The following SLC26A11 variants were observed in gnomAD, a reference collection of about 807,000 sequenced individuals.
SLC26A11 encodes sodium-independent sulfate anion transporter.
A neutral mutation model predicts 62.2 loss-of-function variants in SLC26A11; 58 were observed. The observed-to-expected ratio is 0.93, with a 90% confidence interval of 0.76 to 1.16. SLC26A11 has a LOEUF of 1.16. Among genes scored for constraint, SLC26A11 ranks in the 50% most tolerant of loss-of-function variants. The pLI is 0.00. For missense variants in SLC26A11, 790 were observed against 794.3 expected (o/e 0.99, Z 0.06); for synonymous variants, 411 against 368.9 (o/e 1.11, Z -1.31).
intron 11 of SLC26A11, among the ~76,000 whole-genome samples, chr17:80,245,534 T>C (rs768559934): frequency 1.3e-5 from 2 of 152,080 alleles, no homozygotes; most frequent in African/African-American, 4.8e-5. Flanking sequence ...GGAGAATCGC[T>C]TGAGCCCAGC....
intron 7 of SLC26A11, among the ~76,000 whole-genome samples, chr17:80,231,605 T>C (rs1165907656): frequency 6.6e-6 from 1 of 152,254 alleles, no homozygotes; most frequent in Non-Finnish European, 1.5e-5. Context: ...TATATGCTGT[T>C]CTTTAATTTT....
intron 10 of SLC26A11, among the ~76,000 whole-genome samples, chr17:80,243,225 G>T (rs2042910222): frequency 6.6e-6 from 1 of 152,132 alleles, no homozygotes; most frequent in African/African-American, 2.4e-5. Context: ...CGTTGCCCGG[G>T]CTTCTCTCTG....
intron 13 of SLC26A11, among the ~76,000 whole-genome samples, chr17:80,247,864 T>C (rs1259132620): frequency 2.6e-5 from 4 of 152,188 alleles, no homozygotes; most frequent in Non-Finnish European, 5.9e-5. Flanking sequence ...GACAAGCCCC[T>C]GCTGCTGCCC....
At chr17:80,233,481 C>T (rs1161869362) in intron 7 of SLC26A11, among the ~76,000 whole-genome samples, 2 of 151,944 alleles carry the variant, frequency 1.3e-5, no homozygotes, top group African/African-American at 2.4e-5. Context: ...GCTCTTAATT[C>T]CTTTGTACAA....
Position 80,222,057 on chromosome 17 carries a change from A to C in SLC26A11, c.234+263A>C. ...GGAGTTCAAGACCAGCCCGACCAAA[A>C]TGGTGAAACCCCGTCTCCACTAAAA... On this transcript the variant is annotated intron_variant, in intron 3 of 17. Coordinates refer to ENST00000361193, the MANE Select transcript of SLC26A11 (RefSeq NM_001166347.2). The surrounding 1 kb of genome is among the most constrained non-coding windows in gnomAD (Gnocchi z 4.7). 2.2e-6 allele frequency: 1 copy of C among 446,920 alleles called. No individual in the cohort carries two copies. The highest frequency in any genetic ancestry group is 3.9e-6 in the Non-Finnish European group (1 of 254,760). The allele number at this position is 446,920 out of a possible 1,614,324, so 27.7% of individuals were successfully genotyped here. A position where few individuals can be genotyped will look rare whatever the true frequency, so the allele number is the denominator to read the frequency against.
rs74000652 is a variant in SLC26A11, at chr17:80,228,824, A to G, written c.736+864A>G. On this transcript the variant is annotated intron_variant, in intron 7 of 17. Transcript: ENST00000361193. This position sits in a 1 kb window ranked among gnomAD's most constrained non-coding sequence, Gnocchi z 4.1. Reference sequence around the variant, plus strand: ...TTTATGGGGGTACAACTTCAGCTTCAGGCGCGGAGGCTGCAGGCTGAGCCA... The same window carrying G: ...TTTATGGGGGTACAACTTCAGCTTCGGGCGCGGAGGCTGCAGGCTGAGCCA... 0.058 allele frequency among the ~76,000 whole-genome samples: 8,830 copies of G among 152,286 alleles called. 302 individuals carry two copies. Among genetic ancestry groups the G allele is most frequent in the Non-Finnish European group, 0.07 (4,783 of 68,032 alleles).
rs1050181418 is a variant in SLC26A11 at position 80,225,916 on chromosome 17, G to A, written c.593G>A (p.Arg198Lys). Residue 198 changes from arginine (R) to lysine (K), a missense_variant and splice_region_variant, in exon 6 of 18, where the codon AGG becomes AAG. By Grantham distance (26) the Arg-to-Lys change is conservative. Coordinates refer to ENST00000361193, the MANE Select transcript of SLC26A11 (RefSeq NM_001166347.2). ...ACCTTCCTCAGGATTGCAGAGACCA[G>A]GTACCCCGGGCTTTGTTCCTCCCTC... ...YHTFLRIAET[R>K]VGDAVLGLVC... The A allele has an allele frequency of 6.2e-7, 1 of 1,613,620 alleles. No individual in the cohort carries two copies. The highest frequency in any genetic ancestry group is 8.5e-7 in the Non-Finnish European group (1 of 1,179,770).
Position 80,241,820 on chromosome 17 carries a change from C to T in SLC26A11, c.1035C>T (p.Ile345=), listed in dbSNP as rs367934688. The T allele has an allele frequency of 3.4e-5, 55 of 1,614,068 alleles. No individual in the cohort carries two copies. The highest frequency in any genetic ancestry group is 1.2e-4 in the African/African-American group (9 of 74,928). ...ATGCCAACCAGGAGCTGCTGGCCAT[C>T]GGTAAGACCCCAGCCGCGGGAAGGA... The part of the protein sequence containing the change: ...RIDANQELLA[I]GLTNMLGSLV... The change falls in exon 10 of 18, where the codon ATC becomes ATT. Residue 345 remains isoleucine, a splice_region_variant and synonymous_variant. Coordinates refer to ENST00000361193, the MANE Select transcript of SLC26A11 (RefSeq NM_001166347.2).
intron 8 of SLC26A11, 141 bp from the exon 9 acceptor site, chr17:80,237,381 A>C (rs796580715): frequency 1.2e-6 from 1 of 855,582 alleles, no homozygotes; most frequent in Non-Finnish European, 1.8e-6. Context: ...GCGCCTCTTC[A>C]GACAAGGAGG....
chr17:80,222,622 C>G lies in SLC26A11; in HGVS notation c.235-33C>G. 3.1e-6 allele frequency: 5 copies of G among 1,601,874 alleles called. No individual in the cohort carries two copies. The highest frequency in any genetic ancestry group is 4.3e-6 in the Non-Finnish European group (5 of 1,172,106). On this transcript the variant is annotated intron_variant, in intron 3 of 17. Transcript: ENST00000361193. This position sits in a 1 kb window ranked among gnomAD's most constrained non-coding sequence, Gnocchi z 4.7. Reference sequence around the variant, plus strand: ...AGGGAGCTGGTGGATGGGCCTCGGCCTCCTGAGTGCTCACCACCCTCTCTC... The same window carrying G: ...AGGGAGCTGGTGGATGGGCCTCGGCGTCCTGAGTGCTCACCACCCTCTCTC...
chr17:80,242,730 A>G (rs1011575007), intron 10 of SLC26A11, among the ~76,000 whole-genome samples: 6 of 152,166 alleles, frequency 3.9e-5, no homozygotes, highest in African/African-American at 1.4e-4. Context: ...TGTGTGAGAG[A>G]CTGAATCTTG....
At chr17:80,250,130 G>GGC (rs1330986378) in intron 16 of SLC26A11, among the ~76,000 whole-genome samples, 1 of 152,146 alleles carries the variant, frequency 6.6e-6, no homozygotes, top group African/African-American at 2.4e-5. Flanking sequence ...TTTGCAGAGA[G>GGC]GCAGGGGTCT....
At position 80,237,232 on chromosome 17, in the gene SLC26A11, C is replaced by T. The variant is rs188481342; in HGVS notation, c.912+129C>T. ...GTTAGGACAGCTGAGTCCTCAGGAACGGACATCTCAGTTATTAAAGAATCC... is the reference window on the plus strand; with the variant it reads ...GTTAGGACAGCTGAGTCCTCAGGAATGGACATCTCAGTTATTAAAGAATCC... On this transcript the variant is annotated intron_variant, in intron 8 of 17. Transcript: ENST00000361193. 824 of 1,122,962 alleles carry T rather than the reference C, an allele frequency of 7.3e-4. 1 individual carries two copies. The Middle Eastern group carries it at 8.4e-3, about 11-fold the overall frequency. 69.6% of individuals were successfully genotyped at this position (1,122,962 alleles called of 1,614,324 possible).
chr17:80,231,986 T>C (rs775553035), intron 7 of SLC26A11, among the ~76,000 whole-genome samples: 6 of 152,228 alleles, frequency 3.9e-5, no homozygotes, highest in Non-Finnish European at 7.3e-5. Flanking sequence ...TTGCTGATTT[T>C]CTTTCTACTT....
chr17:80,227,923 G>A lies in SLC26A11; in HGVS notation c.699G>A (p.Val233=), dbSNP rs1195112122. The part of the protein sequence containing the change: ...PPVHPEMPPG[V]RLSRGLVWAA... The stretch of plus-strand genomic sequence containing the variant: ...TCCACCCCGAGATGCCCCCTGGTGT[G>A]CGGCTCAGCCGTGGGCTGGTCTGGG... The change falls in exon 7 of 18, where the codon GTG becomes GTA. Residue 233 remains valine, a synonymous_variant. Transcript: ENST00000361193. 6.2e-7 allele frequency: 1 copy of A among 1,600,908 alleles called. No individual in the cohort carries two copies.
Position 80,223,156 on chromosome 17 carries a change from C to A in SLC26A11, c.428-96C>A, listed in dbSNP as rs1242340516. The A allele has an allele frequency of 8.6e-7, 1 of 1,164,492 alleles. No individual in the cohort carries two copies. The highest frequency in any genetic ancestry group is 1.3e-5 in the South Asian group (1 of 78,334). 72.1% of individuals were successfully genotyped at this position (1,164,492 alleles called of 1,614,324 possible). A position where few individuals can be genotyped will look rare whatever the true frequency, so the allele number is the denominator to read the frequency against. On this transcript the variant is annotated intron_variant, in intron 4 of 17. Transcript: ENST00000361193. The surrounding 1 kb of genome is among the most constrained non-coding windows in gnomAD (Gnocchi z 4.6). ...TTAGCTGCGGTATCTGCTCCCCAAT[C>A]CCACCCATTGCCACCTTCCCCAGCT...
chr17:80,226,250 A>G (rs551911041), intron 6 of SLC26A11, among the ~76,000 whole-genome samples: 10 of 152,262 alleles, frequency 6.6e-5, no homozygotes, highest in African/African-American at 2.2e-4. Context: ...GTGTAAAGAA[A>G]AAGAAGGCAG....
At chr17:80,225,419 A>G (rs2042382018) in intron 5 of SLC26A11, among the ~76,000 whole-genome samples, 1 of 152,170 alleles carries the variant, frequency 6.6e-6, no homozygotes, top group Non-Finnish European at 1.5e-5. Context: ...GACATTCTCA[A>G]GCCAATGGCA....
chr17:80,245,201 A>G lies in SLC26A11; in HGVS notation c.1042A>G (p.Thr348Ala). The G allele has an allele frequency of 1.2e-6, 2 of 1,613,106 alleles. No homozygotes were observed. The highest frequency in any genetic ancestry group is 2.2e-5 in the South Asian group (2 of 91,042). Residue 348 changes from threonine (T) to alanine (A), a missense_variant, in exon 11 of 18, where the codon ACC (threonine) becomes GCC (alanine). Physicochemically the swap from Thr to Ala is moderately conservative, Grantham distance 58. Coordinates refer to ENST00000361193, the MANE Select transcript of SLC26A11 (RefSeq NM_001166347.2). ...CTGTCTTGCCTCCTCCCCAGGTCTCACCAACATGTTGGGCTCCCTCGTCTC... is the reference window on the plus strand; with the variant it reads ...CTGTCTTGCCTCCTCCCCAGGTCTCGCCAACATGTTGGGCTCCCTCGTCTC... Reference protein sequence around the residue: ...ANQELLAIGLTNMLGSLVSSY... With the variant: ...ANQELLAIGLANMLGSLVSSY...
Sources: gnomAD v4.1 joint callset for allele counts (sites outside exome capture counted in the v4.1 genomes callset) on GRCh38, gnomAD v4.1.1 for gene constraint, Gnocchi (gnomAD v3.1) non-coding constraint, MANE v1.5 for transcripts, NCBI Gene and HGNC (gene_info 2026-07-23, HGNC 2026-07-21) for gene names.